The following FAM86B1 variants were observed in gnomAD, a reference collection of about 807,000 sequenced individuals.
The protein encoded by FAM86B1 is putative protein N-methyltransferase FAM86B1.
For synonymous variants in FAM86B1, 4 were observed against 137.6 expected (o/e 0.03, Z 6.79); for missense variants, 13 against 328.1 (o/e 0.04, Z 7.42).
At chr8:12,193,343 G>A (rs1807253251) in intron 1 of FAM86B1, among the ~76,000 whole-genome samples, 1 of 144,264 alleles carries the variant, frequency 6.9e-6, no homozygotes, top group South Asian at 2.1e-4. Flanking sequence ...CATCCAGTGA[G>A]CTCAATGCAC....
At chr8:12,189,364 G>C (rs1171617711) in intron 3 of FAM86B1, among the ~76,000 whole-genome samples, 2 of 118,132 alleles carry the variant, frequency 1.7e-5, no homozygotes, top group Non-Finnish European at 3.3e-5. Context: ...GATCAATGCA[G>C]AGAATTCACC....
intron 3 of FAM86B1, among the ~76,000 whole-genome samples, chr8:12,189,259 TAAATAAATAA>T (rs1563196897): frequency 1.1e-4 from 3 of 28,200 alleles, no homozygotes; most frequent in African/African-American, 6.4e-4. Context: ...AAAAAATATA[TAAATAAATAA>T]ATAAATAAAT....
chr8:12,192,755 C>T (rs77639039), intron 1 of FAM86B1, among the ~76,000 whole-genome samples: 9,642 of 137,588 alleles, frequency 0.07, 51 homozygotes, highest in Middle Eastern at 0.099. Flanking sequence ...GCCTGGCTCA[C>T]GGAAGGCATT....
At chr8:12,188,162 G>C in intron 3 of FAM86B1, 1 of 912,668 alleles carries the variant, frequency 1.1e-6, no homozygotes. Flanking sequence ...GCTCCGTGTG[G>C]ACAGCCTCGT....
chr8:12,185,006 G>T (rs1252699551), intron 6 of FAM86B1: 3 of 420,196 alleles, frequency 7.1e-6, no homozygotes, highest in Non-Finnish European at 8.9e-6. Context: ...GGATCCGCCT[G>T]TACAGCCTGT....
chr8:12,194,342 C>G (rs1807490208), upstream of FAM86B1: 1 of 583,366 alleles, frequency 1.7e-6, no homozygotes, highest in Admixed American at 3.0e-5. Context: ...CAGGATAGGG[C>G]GATCCTGGAA....
At chr8:12,184,073 A>AC (rs1351875522) in intron 6 of FAM86B1, among the ~76,000 whole-genome samples, 1 of 69,416 alleles carries the variant, frequency 1.4e-5, no homozygotes, top group East Asian at 3.2e-4. Flanking sequence ...TCTGTCTCAA[A>AC]AAAAAAAAAA....
intron 1 of FAM86B1, among the ~76,000 whole-genome samples, chr8:12,192,805 C>A (rs1196099155): frequency 1.3e-5 from 2 of 150,322 alleles, no homozygotes; most frequent in African/African-American, 5.0e-5. Flanking sequence ...CTAGCTAACA[C>A]CGACATGCAT....
chr8:12,182,413 T>C lies in FAM86B1; in HGVS notation c.*1193A>G. On this transcript the variant is annotated 3_prime_UTR_variant, in exon 7 of 7. Coordinates refer to ENST00000448228, the MANE Select transcript of FAM86B1 (RefSeq NM_001083537.4). ...TTGGAAGTGGAGCGCTGCTGGGTTG[T>C]GAAGGGTCTCAAGTCCAAGTGAGGG... is the stretch of plus-strand genomic sequence containing the variant. 1.1e-6 allele frequency: 1 copy of C among 876,100 alleles called. No homozygotes were observed. The highest frequency in any genetic ancestry group is 1.7e-5 in the South Asian group (1 of 59,382). 54.3% of individuals were successfully genotyped at this position (876,100 alleles called of 1,614,324 possible).
At chr8:12,194,459 T>C (rs1345594131), upstream of FAM86B1, 2,839 of 404,556 alleles carry the variant, frequency 7.0e-3, 42 homozygotes, top group African/African-American at 0.069. Context: ...ATAAACGCCA[T>C]TGGATTCAGG....
intron 1 of FAM86B1, among the ~76,000 whole-genome samples, chr8:12,193,350 G>T (rs1477324759): frequency 1.4e-5 from 2 of 143,856 alleles, no homozygotes; most frequent in Non-Finnish European, 3.0e-5. Flanking sequence ...TGAGCTCAAT[G>T]CACATGAATT....
Position 12,182,507 on chromosome 8 carries a change from G to A in FAM86B1, c.*1099C>T, listed in dbSNP as rs1805073460. The A allele has an allele frequency of 2.8e-6, 4 of 1,450,760 alleles. No homozygotes were observed. The highest frequency in any genetic ancestry group is 1.9e-6 in the Non-Finnish European group (2 of 1,066,088). 89.9% of individuals were successfully genotyped at this position (1,450,760 alleles called of 1,614,324 possible). On this transcript the variant is annotated 3_prime_UTR_variant, in exon 7 of 7. Transcript: ENST00000448228. Reference sequence around the variant, plus strand: ...TGGGAGGGGTTGTTGTTGGGTCGGGGACCTGGGGTCATCCAAGTGGTGACC... The same window carrying A: ...TGGGAGGGGTTGTTGTTGGGTCGGGAACCTGGGGTCATCCAAGTGGTGACC...
chr8:12,193,399 G>C (rs1046808066), intron 1 of FAM86B1, among the ~76,000 whole-genome samples: 1 of 139,718 alleles, frequency 7.2e-6, no homozygotes, highest in African/African-American at 3.1e-5. Context: ...TCTGCTGGCA[G>C]AAGGGAGGCT....
intron 1 of FAM86B1, among the ~76,000 whole-genome samples, chr8:12,193,279 C>A (rs1807239311): frequency 1.4e-5 from 2 of 145,958 alleles, no homozygotes; most frequent in South Asian, 4.2e-4. Flanking sequence ...AATGATTAAG[C>A]AACACCCCAT....
intron 2 of FAM86B1, among the ~76,000 whole-genome samples, chr8:12,191,002 C>G (rs1430265199): frequency 6.7e-6 from 1 of 148,498 alleles, no homozygotes; most frequent in Non-Finnish European, 1.5e-5. Flanking sequence ...TCTCCATGCT[C>G]GAAGCCCTGA....
chr8:12,189,298 A>ATAAG (rs1300440539), intron 3 of FAM86B1, among the ~76,000 whole-genome samples: 5 of 78,870 alleles, frequency 6.3e-5, no homozygotes, highest in East Asian at 4.3e-4. Flanking sequence ...AAATAAATAA[A>ATAAG]TAAGTAAAAA....
intron 1 of FAM86B1, among the ~76,000 whole-genome samples, chr8:12,192,984 G>C (rs1358644102): frequency 7.0e-6 from 1 of 143,766 alleles, no homozygotes; most frequent in Non-Finnish European, 1.5e-5. Flanking sequence ...GCCAGGATTC[G>C]AAGCAGGCAG....
intron 1 of FAM86B1, among the ~76,000 whole-genome samples, chr8:12,193,381 T>C (rs1807261867): frequency 1.4e-5 from 2 of 141,246 alleles, no homozygotes; most frequent in Non-Finnish European, 3.0e-5. Flanking sequence ...CGGGGTGCAT[T>C]AAGCCCCTCT....
upstream of FAM86B1, chr8:12,194,724 G>C (rs1464894822): frequency 1.2e-5 from 2 of 165,472 alleles, no homozygotes; most frequent in African/African-American, 5.6e-5. Context: ...AGCTTAGGGA[G>C]GGGCCGGTGT....
Sources: allele counts gnomAD v4.1 joint callset (sites outside exome capture counted in the v4.1 genomes callset), GRCh38; gene constraint gnomAD v4.1.1; transcripts MANE v1.5; gene names NCBI Gene and HGNC (gene_info 2026-07-23, HGNC 2026-07-21).